COL24A1: variants seen among roughly 807,000 people sequenced by gnomAD.
COL24A1 encodes collagen alpha-1(XXIV) chain.
A neutral mutation model predicts 253.9 loss-of-function variants in COL24A1; 224 were observed. That is an observed-to-expected ratio of 0.88 (90% confidence interval 0.79 to 0.99). COL24A1 has a LOEUF of 0.99. Ranked by LOEUF, COL24A1 falls within the 50% of genes least tolerant of loss-of-function variation. COL24A1 has a pLI of 0.00. For synonymous variants in COL24A1, 685 were observed against 673.7 expected (o/e 1.02, Z -0.26); for missense variants, 2,131 against 2,068.5 (o/e 1.03, Z -0.59).
At chr1:86,117,523 T>C (rs1268547074) in intron 3 of COL24A1, among the ~76,000 whole-genome samples, 1 of 152,176 alleles carries the variant, frequency 6.6e-6, no homozygotes, top group Non-Finnish European at 1.5e-5. Context: ...CTAACTAAGA[T>C]GCAATTAACA....
intron 24 of COL24A1, among the ~76,000 whole-genome samples, chr1:85,955,173 C>T (rs760955405): frequency 6.6e-5 from 10 of 152,172 alleles, no homozygotes; most frequent in Non-Finnish European, 1.0e-4. Context: ...AGGCCATCTA[C>T]GGGGAGACCA....
In COL24A1 at chr1:86,112,567, C is replaced by A. The variant is rs754706792; in HGVS notation, c.1599G>T (p.Lys533Asn). The A allele has an allele frequency of 6.2e-7, 1 of 1,612,232 alleles. No homozygotes were observed. Among genetic ancestry groups the A allele is most frequent in the Non-Finnish European group, 8.5e-7 (1 of 1,178,836 alleles). ...AGTTGCCTGATTAGTAGTCACTTACCTTTGGACCAGGTAATCCAGGTAAAC... is the reference window on the plus strand; with the variant it reads ...AGTTGCCTGATTAGTAGTCACTTACATTTGGACCAGGTAATCCAGGTAAAC... ...NPGLPGLPGPKGPKGDPGFSP... is the reference protein window; with the variant it reads ...NPGLPGLPGPNGPKGDPGFSP... Residue 533 changes from lysine to asparagine, a missense_variant and splice_region_variant, in exon 5 of 60, where the codon AAG becomes AAT. By Grantham distance (94) the Lys-to-Asn change is moderately conservative. Coordinates refer to ENST00000370571, the MANE Select transcript of COL24A1 (RefSeq NM_152890.7).
intron 24 of COL24A1, among the ~76,000 whole-genome samples, chr1:85,914,314 G>C (rs568604848): frequency 2.0e-5 from 3 of 150,476 alleles, no homozygotes; most frequent in Non-Finnish European, 4.4e-5. Context: ...ATGTGTGTGT[G>C]TGTGTGTGTG....
At chr1:86,051,952 T>G (rs1189281933) in intron 10 of COL24A1, among the ~76,000 whole-genome samples, 1 of 152,038 alleles carries the variant, frequency 6.6e-6, no homozygotes, top group Non-Finnish European at 1.5e-5. Flanking sequence ...GTGGGGTTCA[T>G]AGAAAAAGCT....
chr1:86,104,248 A>G (rs908207123), intron 5 of COL24A1, among the ~76,000 whole-genome samples: 3 of 151,682 alleles, frequency 2.0e-5, no homozygotes, highest in African/African-American at 7.3e-5. Context: ...TCTTTTCTAT[A>G]CTGGCTATTT....
At chr1:85,883,143 T>C (rs1682059164) in intron 32 of COL24A1, among the ~76,000 whole-genome samples, 1 of 152,174 alleles carries the variant, frequency 6.6e-6, no homozygotes, top group South Asian at 2.1e-4. Context: ...CTTTATTCTT[T>C]ATTGCTTCTT....
intron 47 of COL24A1, among the ~76,000 whole-genome samples, chr1:85,792,652 G>A (rs1342797228): frequency 1.3e-5 from 2 of 151,872 alleles, no homozygotes; most frequent in Non-Finnish European, 1.5e-5. Context: ...AAGATGCAGT[G>A]AGCCATGATC....
intron 59 of COL24A1, among the ~76,000 whole-genome samples, chr1:85,731,182 TC>T (rs796757718): frequency 1.3e-5 from 2 of 151,970 alleles, no homozygotes; most frequent in Admixed American, 6.6e-5. Flanking sequence ...TTAGGTCTCT[TC>T]CCCCCCGCCC....
intron 57 of COL24A1, among the ~76,000 whole-genome samples, chr1:85,741,505 C>A (rs539216600): frequency 6.6e-6 from 1 of 152,148 alleles, no homozygotes; most frequent in Non-Finnish European, 1.5e-5. Flanking sequence ...TATGAATGTT[C>A]GTTTTCTTCC....
intron 6 of COL24A1, among the ~76,000 whole-genome samples, chr1:86,090,808 T>C (rs1507288): frequency 0.9 from 137,019 of 152,080 alleles, 62,373 homozygotes; most frequent in Non-Finnish European, 0.97. Flanking sequence ...GTTTCTGTTA[T>C]AGTTTTAACC....
At chr1:85,849,917 A>G (rs181074482) in intron 37 of COL24A1, among the ~76,000 whole-genome samples, 138 of 152,266 alleles carry the variant, frequency 9.1e-4, no homozygotes, top group African/African-American at 3.2e-3. Context: ...CATCTAGTAC[A>G]TGGTCAAGGA....
At chr1:86,090,713 T>C (rs947306545) in intron 6 of COL24A1, among the ~76,000 whole-genome samples, 8 of 152,156 alleles carry the variant, frequency 5.3e-5, no homozygotes, top group African/African-American at 1.9e-4. Flanking sequence ...AATTTTACCA[T>C]TTTAGGAATA....
chr1:85,968,048 C>T (rs1691745215), intron 22 of COL24A1, among the ~76,000 whole-genome samples: 1 of 152,148 alleles, frequency 6.6e-6, no homozygotes, highest in Admixed American at 6.5e-5. Context: ...CCCTAGCCTC[C>T]TAGCCTACAT....
At chr1:85,758,428 G>T (rs1050109784) in intron 55 of COL24A1, among the ~76,000 whole-genome samples, 2 of 152,058 alleles carry the variant, frequency 1.3e-5, no homozygotes, top group African/African-American at 4.8e-5. Flanking sequence ...TAGACACCCT[G>T]TTCTTCCCTT....
At chr1:86,034,367 T>C (rs1283282934) in intron 12 of COL24A1, among the ~76,000 whole-genome samples, 2 of 152,186 alleles carry the variant, frequency 1.3e-5, no homozygotes, top group African/African-American at 4.8e-5. Context: ...TAATTATATA[T>C]ACACACTTCA....
intron 52 of COL24A1, among the ~76,000 whole-genome samples, chr1:85,777,110 C>G (rs917319094): frequency 4.6e-5 from 7 of 151,834 alleles, no homozygotes; most frequent in Non-Finnish European, 2.9e-5. Context: ...CCACTAAGCC[C>G]AGATAATTTT....
intron 2 of COL24A1, among the ~76,000 whole-genome samples, chr1:86,138,024 C>T (rs1650507432): frequency 6.6e-6 from 1 of 152,134 alleles, no homozygotes; most frequent in African/African-American, 2.4e-5. Flanking sequence ...TTTATCTTAC[C>T]TAATTTTGCT....
At chr1:85,861,683 T>G (rs1169010310) in intron 37 of COL24A1, among the ~76,000 whole-genome samples, 2 of 152,238 alleles carry the variant, frequency 1.3e-5, no homozygotes, top group African/African-American at 4.8e-5. Context: ...GCGTATGATG[T>G]GCTTTTCTAA....
At chr1:86,086,318 C>G (rs952849470) in intron 7 of COL24A1, among the ~76,000 whole-genome samples, 1 of 152,202 alleles carries the variant, frequency 6.6e-6, no homozygotes, top group Admixed American at 6.5e-5. Flanking sequence ...CCCATAGCCC[C>G]AAACCCAGCT....
Sources: gnomAD v4.1 joint callset for allele counts (sites outside exome capture counted in the v4.1 genomes callset) on GRCh38, gnomAD v4.1.1 for gene constraint, MANE v1.5 for transcripts, NCBI Gene and HGNC (gene_info 2026-07-23, HGNC 2026-07-21) for gene names.